The following CYP2C19 variants were observed in gnomAD, a reference collection of about 807,000 sequenced individuals.
The protein encoded by CYP2C19 is cytochrome P450 family 2 subfamily C member 19.
CYP2C19 carries 59 observed loss-of-function variants against 40.9 expected under a neutral mutation model. The ratio of observed to expected loss-of-function variants is 1.44; its 90% CI spans 1.17 to 1.79. CYP2C19 has a LOEUF of 1.79. Among genes scored for constraint, CYP2C19 ranks in the 40% most tolerant of loss-of-function variants. The pLI is 0.00. For missense variants in CYP2C19, 754 were observed against 596.9 expected (o/e 1.26, Z -2.74); for synonymous variants, 253 against 208.7 (o/e 1.21, Z -1.83).
chr10:94,826,658 C>T (rs1357380501), intron 6 of CYP2C19, among the ~76,000 whole-genome samples: 1 of 152,192 alleles, frequency 6.6e-6, no homozygotes, highest in Non-Finnish European at 1.5e-5. Context: ...ATTTCCTTCT[C>T]CTGCCTAATT....
At chr10:94,852,318 A>C (rs1849665778) in intron 8 of CYP2C19, among the ~76,000 whole-genome samples, 1 of 152,212 alleles carries the variant, frequency 6.6e-6, no homozygotes, top group South Asian at 2.1e-4. Flanking sequence ...ACTGAGCCAG[A>C]AATACAAAGG....
intron 3 of CYP2C19, among the ~76,000 whole-genome samples, chr10:94,777,793 T>C (rs1370949286): frequency 2.6e-5 from 4 of 151,996 alleles, no homozygotes; most frequent in African/African-American, 9.7e-5. Context: ...AAAGCCAAAA[T>C]TGACAAATGG....
intron 5 of CYP2C19, among the ~76,000 whole-genome samples, chr10:94,784,705 C>T (rs1280802473): frequency 6.6e-6 from 1 of 151,852 alleles, no homozygotes; most frequent in Non-Finnish European, 1.5e-5. Flanking sequence ...TTCTCCTGCC[C>T]CAGCCTTCAG....
intron 6 of CYP2C19, among the ~76,000 whole-genome samples, chr10:94,839,658 G>A (rs1265536166): frequency 6.6e-6 from 1 of 152,198 alleles, no homozygotes; most frequent in African/African-American, 2.4e-5. Flanking sequence ...TTAAGTCTTG[G>A]CTGAGTGCAA....
chr10:94,812,922 T>A (rs992339778), intron 5 of CYP2C19, among the ~76,000 whole-genome samples: 1 of 152,056 alleles, frequency 6.6e-6, no homozygotes, highest in Non-Finnish European at 1.5e-5. Context: ...GGAGTTGTGA[T>A]CCTTTGGAGG....
rs527261496 is a variant in CYP2C19, at chr10:94,765,048, T to C, written c.168+2175T>C. 7.2e-5 allele frequency among the ~76,000 whole-genome samples: 11 copies of C among 152,198 alleles called. No individual in the cohort carries two copies. In the South Asian group the frequency reaches 2.3e-3, roughly 32 times the overall value. On this transcript the variant is annotated intron_variant, in intron 1 of 8. Transcript: ENST00000371321. ...AGTGAGGAGGTCTAGTCCTCAGTGG[T>C]TTTGGAGAGTCACTGTTGCCAAAGA... is the stretch of plus-strand genomic sequence containing the variant.
chr10:94,819,131 G>C (rs1444729824), intron 5 of CYP2C19, among the ~76,000 whole-genome samples: 1 of 150,460 alleles, frequency 6.6e-6, no homozygotes, highest in Non-Finnish European at 1.5e-5. Context: ...ACCTGCTCCT[G>C]AATGACTACT....
intron 6 of CYP2C19, among the ~76,000 whole-genome samples, chr10:94,826,482 T>C (rs974933519): frequency 1.3e-5 from 2 of 152,228 alleles, no homozygotes; most frequent in African/African-American, 4.8e-5. Context: ...TGTATAAGAA[T>C]GCTTGTGATT....
At chr10:94,852,486 A>C (rs757710791) in intron 8 of CYP2C19, among the ~76,000 whole-genome samples, 3 of 152,192 alleles carry the variant, frequency 2.0e-5, no homozygotes, top group Non-Finnish European at 2.9e-5. Context: ...TAAGATCTGA[A>C]GATAGGTGAA....
rs142786080 is a variant in CYP2C19, at chr10:94,811,053, G to A, written c.820-9443G>A. 3.1e-3 allele frequency among the ~76,000 whole-genome samples: 476 copies of A among 152,178 alleles called. 3 individuals are homozygous for A. The highest frequency in any genetic ancestry group is 0.011 in the African/African-American group (449 of 41,534). On this transcript the variant is annotated intron_variant, in intron 5 of 8. Transcript: ENST00000371321. ...AATTTTCCCTCTAAACACTGCTTTA[G>A]CTGTGTCTTGGAGATTCTGGTACAC...
chr10:94,794,166 G>A (rs187752248), intron 5 of CYP2C19, among the ~76,000 whole-genome samples: 1 of 152,272 alleles, frequency 6.6e-6, no homozygotes, highest in East Asian at 1.9e-4. Flanking sequence ...AGCCACGCAT[G>A]GGATATAATC....
At chr10:94,794,983 C>T (rs902566537) in intron 5 of CYP2C19, among the ~76,000 whole-genome samples, 1 of 151,676 alleles carries the variant, frequency 6.6e-6, no homozygotes, top group African/African-American at 2.4e-5. Context: ...TTGTCTTGTG[C>T]CAGTTTTCTT....
intron 8 of CYP2C19, among the ~76,000 whole-genome samples, chr10:94,851,294 T>C (rs1328424980): frequency 6.6e-6 from 1 of 151,798 alleles, no homozygotes; most frequent in African/African-American, 2.4e-5. Context: ...CCAGATCTCA[T>C]GAGAACTCAC....
At chr10:94,827,667 G>T (rs1366456609) in intron 6 of CYP2C19, among the ~76,000 whole-genome samples, 1 of 152,076 alleles carries the variant, frequency 6.6e-6, no homozygotes, top group Non-Finnish European at 1.5e-5. Flanking sequence ...CTTTCCTTCA[G>T]TTCTGCTTTG....
chr10:94,775,480 T>C lies in CYP2C19; in HGVS notation c.422T>C (p.Ile141Thr), dbSNP rs781515849. ...AATTTTGGGATGGGGAAGAGGAGCA[T>C]TGAGGACCGTGTTCAAGAGGAAGCC... ...LRNFGMGKRS[I>T]EDRVQEEARC... The change falls in exon 3 of 9, where the codon ATT (isoleucine) becomes ACT (threonine). Residue 141 changes from isoleucine (I) to threonine (T), a missense_variant. Transcript: ENST00000371321. The C allele has an allele frequency of 3.1e-6, 5 of 1,614,018 alleles. No homozygotes were observed. The highest frequency in any genetic ancestry group is 1.7e-6 in the Non-Finnish European group (2 of 1,179,960).
chr10:94,812,368 G>A, intron 5 of CYP2C19, among the ~76,000 whole-genome samples: 1 of 151,908 alleles, frequency 6.6e-6, no homozygotes, highest in South Asian at 2.1e-4. Flanking sequence ...TGCCCTTCTT[G>A]AGGAGTATCA....
At position 94,783,009 on chromosome 10, in the gene CYP2C19, G is replaced by T. The variant is rs141738715; in HGVS notation, c.819+1012G>T. Among the ~76,000 whole-genome samples the T allele has an allele frequency of 4.5e-4, 68 of 152,186 alleles. 1 individual carries two copies. The highest frequency in any genetic ancestry group is 5.2e-4 in the Admixed American group (8 of 15,280). ...AACATTAAGAGAAATACCTAATGTAGATGACAAGTTCATAGGTGCAGGAGA... is the reference window on the plus strand; with the variant it reads ...AACATTAAGAGAAATACCTAATGTATATGACAAGTTCATAGGTGCAGGAGA... On this transcript the variant is annotated intron_variant, in intron 5 of 8. Coordinates refer to ENST00000371321, the MANE Select transcript of CYP2C19 (RefSeq NM_000769.4).
At chr10:94,846,955 A>G (rs930303303) in intron 7 of CYP2C19, among the ~76,000 whole-genome samples, 1 of 152,180 alleles carries the variant, frequency 6.6e-6, no homozygotes, top group Non-Finnish European at 1.5e-5. Context: ...TATACTTGTT[A>G]CCATTCTAGA....
At chr10:94,765,410 T>C (rs1433129369) in intron 1 of CYP2C19, among the ~76,000 whole-genome samples, 3 of 152,082 alleles carry the variant, frequency 2.0e-5, no homozygotes, top group African/African-American at 4.8e-5. Flanking sequence ...CTTGGCTGGG[T>C]AGACACAACT....
Sources: allele counts gnomAD v4.1 joint callset (sites outside exome capture counted in the v4.1 genomes callset), GRCh38; gene constraint gnomAD v4.1.1; transcripts MANE v1.5; gene names NCBI Gene and HGNC (gene_info 2026-07-23, HGNC 2026-07-21).